Variants in ATF7IP2 observed in about 807,000 individuals in gnomAD.
ATF7IP2 encodes the protein activating transcription factor 7-interacting protein 2.
In ATF7IP2, 42 loss-of-function variants were observed where a neutral mutation model predicts 64.2. The ratio of observed to expected loss-of-function variants is 0.65; its 90% CI spans 0.51 to 0.85. The LOEUF (loss-of-function observed/expected upper bound fraction) is 0.85. Among genes scored for constraint, ATF7IP2 ranks in the 40% least tolerant of loss-of-function variants. The pLI is 0.00. For missense variants in ATF7IP2, 933 were observed against 784.2 expected, an observed-to-expected ratio of 1.19 and a Z score of -2.27; for synonymous variants, 308 against 272.8, an observed-to-expected ratio of 1.13 and a Z score of -1.27.
At chr16:10,431,525 T>C (rs2048255355) in intron 5 of ATF7IP2, 70 bp downstream of exon 5, 1 of 1,044,032 alleles carries the variant, frequency 9.6e-7, no homozygotes, top group Admixed American at 2.5e-5. Context: ...TTTTAAAGTC[T>C]CAAATATACA....
chr16:10,425,184 GA>G (rs2048060401), intron 3 of ATF7IP2, among the ~76,000 whole-genome samples: 1 of 149,620 alleles, frequency 6.7e-6, no homozygotes, highest in African/African-American at 2.5e-5. Context: ...TCAGCCTCCT[GA>G]GTAGCTGGGT....
Position 10,460,088 on chromosome 16 carries a change from A to G in ATF7IP2, c.1352+2559A>G, listed in dbSNP as rs566884490. The stretch of plus-strand genomic sequence containing the variant: ...AATAAGAGTAAAACAAGATTGCTGA[A>G]TTCAAATATCTAAGAAATCTTTCGT... On this transcript the variant is annotated intron_variant, in intron 9 of 13. Coordinates refer to ENST00000562102, the MANE Select transcript of ATF7IP2 (RefSeq NM_001393719.1). 2.0e-5 allele frequency among the ~76,000 whole-genome samples: 3 copies of G among 152,332 alleles called. No homozygotes were observed. In the East Asian group the frequency reaches 5.8e-4, roughly 29 times the overall value.
At chr16:10,466,258 TAATC>T (rs2049566054) in intron 9 of ATF7IP2, among the ~76,000 whole-genome samples, 1 of 152,242 alleles carries the variant, frequency 6.6e-6, no homozygotes, top group South Asian at 2.1e-4. Context: ...GTGCTACAAT[TAATC>T]TGTTTAGTTC....
chr16:10,474,103 T>G lies in ATF7IP2; in HGVS notation c.1549+114T>G, dbSNP rs940636420. ...TAATATGTGAGTGTGCCTATGTTTA[T>G]ATCTCTGTGCAGTTTTAGCTCATGT... is the stretch of plus-strand genomic sequence containing the variant. On this transcript the variant is annotated intron_variant, in intron 12 of 13. Coordinates refer to ENST00000562102, the MANE Select transcript of ATF7IP2 (RefSeq NM_001393719.1). 1.9e-5 allele frequency: 13 copies of G among 684,840 alleles called. 1 individual carries two copies. Among genetic ancestry groups the G allele is most frequent in the Middle Eastern group, 2.6e-4 (1 of 3,912 alleles). 42.4% of individuals were successfully genotyped at this position (684,840 alleles called of 1,614,324 possible).
intron 3 of ATF7IP2, among the ~76,000 whole-genome samples, chr16:10,426,515 A>C (rs2048088970): frequency 2.0e-5 from 3 of 152,182 alleles, no homozygotes; most frequent in South Asian, 2.1e-4. Context: ...GTTAATGACC[A>C]TTTAGTTCAT....
chr16:10,433,268 C>G (rs1283956281), intron 5 of ATF7IP2, among the ~76,000 whole-genome samples: 1 of 152,134 alleles, frequency 6.6e-6, no homozygotes, highest in Non-Finnish European at 1.5e-5. Context: ...CTCAACCTCC[C>G]AGCCTCAAGC....
At chr16:10,400,705 C>CA (rs1489082198) in intron 1 of ATF7IP2, among the ~76,000 whole-genome samples, 1 of 152,054 alleles carries the variant, frequency 6.6e-6, no homozygotes, top group Non-Finnish European at 1.5e-5. Flanking sequence ...TTTTTTGAGA[C>CA]AGAGTCTTGC....
intron 9 of ATF7IP2, among the ~76,000 whole-genome samples, chr16:10,462,659 TG>T (rs2049413341): frequency 1.3e-5 from 2 of 152,128 alleles, no homozygotes; most frequent in Non-Finnish European, 2.9e-5. Context: ...TGTTAGGTGG[TG>T]GGGTGGTGGT....
intron 1 of ATF7IP2, among the ~76,000 whole-genome samples, chr16:10,413,520 T>TA (rs2047813151): frequency 3.9e-5 from 6 of 152,218 alleles, no homozygotes; most frequent in Admixed American, 2.6e-4. Context: ...AATGGACTAA[T>TA]ACAGTTAGTG....
rs78958579 is a variant in ATF7IP2 at position 10,405,962 on chromosome 16, G to T, written c.-241-8612G>T. 2.4e-3 allele frequency among the ~76,000 whole-genome samples: 369 copies of T among 152,160 alleles called. 3 individuals are homozygous for T. In the East Asian group the frequency reaches 0.03, roughly 12 times the overall value. ...AAACTAGCTGGGTGTGGTGGCACGT[G>T]CCTGTAATCCCAGCTACTCAGGAGG... is the stretch of plus-strand genomic sequence containing the variant. On this transcript the variant is annotated intron_variant, in intron 1 of 13. Transcript: ENST00000562102.
chr16:10,479,596 A>G (rs1457604425), intron 12 of ATF7IP2, among the ~76,000 whole-genome samples: 4 of 152,040 alleles, frequency 2.6e-5, no homozygotes, highest in Non-Finnish European at 4.4e-5. Context: ...GCACATGTAT[A>G]CATATGTAAC....
At chr16:10,444,508 C>T (rs1305792766) in intron 8 of ATF7IP2, among the ~76,000 whole-genome samples, 4 of 152,004 alleles carry the variant, frequency 2.6e-5, no homozygotes, top group Admixed American at 2.0e-4. Flanking sequence ...GACCTTGGGT[C>T]CTAAGAGAAG....
intron 1 of ATF7IP2, among the ~76,000 whole-genome samples, chr16:10,412,032 T>TTTTTTTTG (rs2047777430): frequency 6.9e-6 from 1 of 145,226 alleles, no homozygotes; most frequent in Admixed American, 6.8e-5. Context: ...TTTTTTTTTT[T>TTTTTTTTG]TTTTTTTACA....
intron 9 of ATF7IP2, among the ~76,000 whole-genome samples, chr16:10,465,415 ATCAGTTTCC>A (rs1275305844): frequency 6.6e-6 from 1 of 152,058 alleles, no homozygotes; most frequent in South Asian, 2.1e-4. Flanking sequence ...CATAAAAATT[ATCAGTTTCC>A]TCAGTTTCCC....
At chr16:10,470,763 A>G (rs1329088814) in intron 9 of ATF7IP2, among the ~76,000 whole-genome samples, 1 of 151,642 alleles carries the variant, frequency 6.6e-6, no homozygotes, top group Non-Finnish European at 1.5e-5. Context: ...AGCCTGGGAG[A>G]CAGAGCACGA....
chr16:10,406,250 G>C (rs2047637238), intron 1 of ATF7IP2, among the ~76,000 whole-genome samples: 1 of 152,128 alleles, frequency 6.6e-6, no homozygotes, highest in Admixed American at 6.5e-5. Flanking sequence ...GGGACTACAG[G>C]TGTGCACCAC....
intron 1 of ATF7IP2, among the ~76,000 whole-genome samples, chr16:10,412,338 C>T (rs868819447): frequency 1.3e-5 from 2 of 152,006 alleles, no homozygotes; most frequent in African/African-American, 4.8e-5. Flanking sequence ...CTCCTAGCCC[C>T]GCCTTTGCTA....
intron 13 of ATF7IP2, 71 bp from the exon 14 acceptor site, chr16:10,481,765 G>A (rs2050238323): frequency 8.0e-7 from 1 of 1,244,068 alleles, no homozygotes; most frequent in Non-Finnish European, 1.1e-6. Flanking sequence ...ATTGAAGAAT[G>A]AGAAATATAT....
intron 1 of ATF7IP2, among the ~76,000 whole-genome samples, chr16:10,389,932 G>T (rs1596410727): frequency 1.3e-5 from 2 of 152,296 alleles, no homozygotes; most frequent in East Asian, 3.9e-4. Flanking sequence ...AAAGGGCCCT[G>T]TCGCTTCATA....
Sources: gnomAD v4.1 joint callset for allele counts (sites outside exome capture counted in the v4.1 genomes callset) on GRCh38, gnomAD v4.1.1 for gene constraint, MANE v1.5 for transcripts, NCBI Gene and HGNC (gene_info 2026-07-23, HGNC 2026-07-21) for gene names.